BANF2: variants seen among roughly 807,000 people sequenced by gnomAD.
BANF2 encodes the protein barrier-to-autointegration factor-like protein.
A neutral mutation model predicts 8.0 loss-of-function variants in BANF2; 4 were observed. The observed-to-expected ratio is 0.50, with a 90% CI of 0.25 to 1.14. BANF2 has a LOEUF of 1.14. Ranked by LOEUF, BANF2 falls within the 50% of genes most tolerant of loss-of-function variation. The pLI is 0.16. For synonymous variants in BANF2, 50 were observed against 40.6 expected (o/e 1.23, Z -0.88); for missense variants, 96 against 107.5 (o/e 0.89, Z 0.47).
chr20:17,711,082 C>T (rs1017310802), intron 1 of BANF2, among the ~76,000 whole-genome samples: 2 of 152,250 alleles, frequency 1.3e-5, no homozygotes, highest in South Asian at 2.1e-4. Flanking sequence ...TTGTGTTTAT[C>T]TGAAATTCAA....
Position 17,735,871 on chromosome 20 carries a change from A to G in BANF2, c.*60A>G. 2 of 1,546,432 alleles carry G rather than the reference A, an allele frequency of 1.3e-6. No homozygotes were observed. Among genetic ancestry groups the G allele is most frequent in the Non-Finnish European group, 8.9e-7 (1 of 1,129,252 alleles). On this transcript the variant is annotated 3_prime_UTR_variant, in exon 4 of 4. Transcript: ENST00000246090. The stretch of plus-strand genomic sequence containing the variant: ...GGGGAAAATGACGCCTTCTCCACCT[A>G]TGCCCAGGCTCCGAGTCCTCATTTG...
chr20:17,729,758 A>G (rs1239609727), intron 3 of BANF2, among the ~76,000 whole-genome samples: 3 of 152,180 alleles, frequency 2.0e-5, no homozygotes, highest in Non-Finnish European at 2.9e-5. Flanking sequence ...GGTGGACGCT[A>G]GTTTGTCTGC....
In BANF2 at chr20:17,723,938, T is replaced by C. The variant is rs572761830; in HGVS notation, c.-4+1060T>C. Among the ~76,000 whole-genome samples, 8 of 152,290 alleles carry C rather than the reference T, an allele frequency of 5.3e-5. No homozygotes were observed. The South Asian group carries it at 1.2e-3, about 24-fold the overall frequency. On this transcript the variant is annotated intron_variant, in intron 2 of 3. Transcript: ENST00000246090. ...TGAACGCAGGAGGCAGTGGTTGCAGTGAGCCAAGATCATGCCATTGCACTC... is the reference window on the plus strand; with the variant it reads ...TGAACGCAGGAGGCAGTGGTTGCAGCGAGCCAAGATCATGCCATTGCACTC...
intron 1 of BANF2, among the ~76,000 whole-genome samples, chr20:17,707,919 G>C (rs779588551): frequency 1.3e-5 from 2 of 151,714 alleles, no homozygotes; most frequent in Admixed American, 1.3e-4. Flanking sequence ...ACTTGACTAC[G>C]GGCTGGACAC....
chr20:17,717,865 G>A (rs13042529), intron 1 of BANF2, among the ~76,000 whole-genome samples: 21,354 of 152,094 alleles, frequency 0.14, 1,616 homozygotes, highest in African/African-American at 0.18. Flanking sequence ...CCTGGGGTAG[G>A]CAATATCACA....
At chr20:17,700,679 T>C (rs943007819) in intron 1 of BANF2, among the ~76,000 whole-genome samples, 4 of 152,000 alleles carry the variant, frequency 2.6e-5, no homozygotes, top group Non-Finnish European at 4.4e-5. Context: ...GTGGGCAAAA[T>C]CTAAGGTAGC....
intron 2 of BANF2, 31 bp downstream of exon 2, chr20:17,722,909 A>T: frequency 1.0e-6 from 1 of 976,080 alleles, no homozygotes; most frequent in Non-Finnish European, 1.2e-6. Flanking sequence ...AGGAGAGGGG[A>T]TGGGGCTGTG....
At chr20:17,716,945 C>A (rs1458690199) in intron 1 of BANF2, among the ~76,000 whole-genome samples, 2 of 151,892 alleles carry the variant, frequency 1.3e-5, no homozygotes, top group African/African-American at 4.8e-5. Flanking sequence ...AACTCCTGGG[C>A]TCAAGTGATA....
chr20:17,713,843 AAAATAAAT>A (rs553290411), intron 1 of BANF2, among the ~76,000 whole-genome samples: 1 of 151,944 alleles, frequency 6.6e-6, no homozygotes, highest in Non-Finnish European at 1.5e-5. Context: ...TCAAAAATAA[AAAATAAAT>A]AAATAAATAA....
At chr20:17,715,239 C>T (rs1002320197) in intron 1 of BANF2, among the ~76,000 whole-genome samples, 2 of 152,138 alleles carry the variant, frequency 1.3e-5, no homozygotes, top group Non-Finnish European at 1.5e-5. Flanking sequence ...GTGAGCCCTG[C>T]CTTTGGGAAT....
intron 1 of BANF2, among the ~76,000 whole-genome samples, chr20:17,707,647 T>A (rs973966479): frequency 1.3e-5 from 2 of 152,026 alleles, no homozygotes; most frequent in African/African-American, 4.8e-5. Flanking sequence ...TGGCACGATC[T>A]CGGCTCATTG....
In BANF2 at chr20:17,709,566, A is replaced by G. The variant is rs142799588; in HGVS notation, c.-167+9511A>G. Among the ~76,000 whole-genome samples, 55 of 152,238 alleles carry G rather than the reference A, an allele frequency of 3.6e-4. 1 individual carries two copies. The East Asian group carries it at 9.1e-3, about 25-fold the overall frequency. On this transcript the variant is annotated intron_variant, in intron 1 of 3. Transcript: ENST00000246090. Reference sequence around the variant, plus strand: ...ATGCCCCTTTGTTTTGGGGCAGCCAACTGCTGCATCTCCTGTTTATATGTG... The same window carrying G: ...ATGCCCCTTTGTTTTGGGGCAGCCAGCTGCTGCATCTCCTGTTTATATGTG...
intron 3 of BANF2, among the ~76,000 whole-genome samples, chr20:17,735,359 C>T (rs564717322): frequency 6.6e-6 from 1 of 152,274 alleles, no homozygotes; most frequent in Admixed American, 6.5e-5. Flanking sequence ...CTTTCAGAAC[C>T]CGCATTTTAA....
intron 3 of BANF2, among the ~76,000 whole-genome samples, chr20:17,729,183 C>T (rs539243961): frequency 1.3e-5 from 2 of 152,304 alleles, no homozygotes; most frequent in African/African-American, 4.8e-5. Flanking sequence ...CAATGAGGCT[C>T]GCTGTGCCTG....
At chr20:17,717,455 A>C (rs1473785677) in intron 1 of BANF2, among the ~76,000 whole-genome samples, 1 of 152,140 alleles carries the variant, frequency 6.6e-6, no homozygotes, top group Non-Finnish European at 1.5e-5. Flanking sequence ...ACGAATCTAC[A>C]TTTTAAAATA....
intron 1 of BANF2, among the ~76,000 whole-genome samples, chr20:17,713,379 C>G (rs946436961): frequency 6.6e-6 from 1 of 152,034 alleles, no homozygotes; most frequent in Non-Finnish European, 1.5e-5. Context: ...CATGAGGCAT[C>G]TAAAGTAGTC....
chr20:17,695,445 CAAAA>C (rs71192401), upstream of BANF2, among the ~76,000 whole-genome samples: 676 of 51,364 alleles, frequency 0.013, 2 homozygotes, highest in Admixed American at 0.029. Flanking sequence ...GACCTTGTCT[CAAAA>C]AAAAAAAAAA....
chr20:17,706,049 T>G (rs2037477171), intron 1 of BANF2, among the ~76,000 whole-genome samples: 1 of 152,192 alleles, frequency 6.6e-6, no homozygotes, highest in Non-Finnish European at 1.5e-5. Flanking sequence ...GAAAACCACA[T>G]GGGTCTGTAC....
At chr20:17,700,134 A>G (rs1317697351) in intron 1 of BANF2, 79 bp downstream of exon 1, 1 of 523,500 alleles carries the variant, frequency 1.9e-6, no homozygotes, top group South Asian at 8.4e-5. Flanking sequence ...TTAAGGTCTC[A>G]TTCTCACACA....
Sources: gnomAD v4.1 joint callset for allele counts (sites outside exome capture counted in the v4.1 genomes callset) on GRCh38, gnomAD v4.1.1 for gene constraint, MANE v1.5 for transcripts, NCBI Gene and HGNC (gene_info 2026-07-23, HGNC 2026-07-21) for gene names.